Variants in DENND1B observed in about 807,000 individuals in gnomAD.
The protein encoded by DENND1B is DENN domain-containing protein 1B.
In DENND1B, 59 loss-of-function variants were observed where a neutral mutation model predicts 90.1. The ratio of observed to expected loss-of-function variants is 0.65; its 90% CI spans 0.53 to 0.81. The LOEUF is 0.81. DENND1B is among the 40% of genes least tolerant of loss of function. DENND1B has a pLI of 0.00. For synonymous variants in DENND1B, 337 were observed against 324.6 expected, an observed-to-expected ratio of 1.04 and a Z score of -0.41; for missense variants, 862 against 912.6, an observed-to-expected ratio of 0.94 and a Z score of 0.71.
chr1:197,672,013 AT>A (rs748101972), intron 5 of DENND1B, 23 bp downstream of exon 5: 36 of 1,598,256 alleles, frequency 2.3e-5, no homozygotes, highest in South Asian at 4.5e-5. Context: ...TTTGCATCTA[AT>A]TTTTTTTACT....
intron 13 of DENND1B, among the ~76,000 whole-genome samples, chr1:197,600,967 A>G (rs551456815): frequency 1.3e-5 from 2 of 151,526 alleles, no homozygotes; most frequent in African/African-American, 4.8e-5. Context: ...GCCTTGCTGC[A>G]CCACAGAGAC....
chr1:197,530,566 C>A (rs1278852644), intron 20 of DENND1B, among the ~76,000 whole-genome samples: 4 of 152,020 alleles, frequency 2.6e-5, no homozygotes, highest in Non-Finnish European at 5.9e-5. Flanking sequence ...TATGATCATC[C>A]CTACTTAGAA....
intron 2 of DENND1B, chr1:197,735,369 TA>T: frequency 7.4e-7 from 1 of 1,358,736 alleles, no homozygotes; most frequent in Admixed American, 3.1e-5. Context: ...TTTTGGCAAT[TA>T]AACTAAATAA....
Position 197,510,244 on chromosome 1 carries a change from T to C in DENND1B, c.*216A>G, listed in dbSNP as rs1667926815. The C allele has an allele frequency of 1.8e-6, 1 of 566,562 alleles. No individual in the cohort carries two copies. Among genetic ancestry groups the C allele is most frequent in the Admixed American group, 3.5e-5 (1 of 28,394 alleles). The allele number at this position is 566,562 out of a possible 1,614,324, so 35.1% of individuals were successfully genotyped here. A position where few individuals can be genotyped will look rare whatever the true frequency, so the allele number is the denominator to read the frequency against. ...GGTCAATACATACTTTAAACATACATACACACTAGTACCTGATTTAAAAGC... is the reference window on the plus strand; with the variant it reads ...GGTCAATACATACTTTAAACATACACACACACTAGTACCTGATTTAAAAGC... On this transcript the variant is annotated 3_prime_UTR_variant, in exon 23 of 23. Coordinates refer to ENST00000620048, the MANE Select transcript of DENND1B (RefSeq NM_001195215.2).
intron 20 of DENND1B, among the ~76,000 whole-genome samples, chr1:197,514,812 A>G (rs898022719): frequency 4.0e-5 from 6 of 151,624 alleles, no homozygotes; most frequent in African/African-American, 1.5e-4. Context: ...GTGTTTAGTA[A>G]GTTTCCTGTT....
intron 3 of DENND1B, among the ~76,000 whole-genome samples, chr1:197,702,576 A>G (rs753526705): frequency 6.6e-6 from 1 of 152,226 alleles, no homozygotes; most frequent in Non-Finnish European, 1.5e-5. Context: ...ATCAATGGAT[A>G]ATTCCTCAGA....
chr1:197,562,009 A>C (rs986147480), intron 15 of DENND1B, among the ~76,000 whole-genome samples: 9 of 151,830 alleles, frequency 5.9e-5, no homozygotes, highest in Non-Finnish European at 4.4e-5. Context: ...GATACCGCTG[A>C]AGTGACACAT....
At chr1:197,607,282 GAAAA>G (rs1344943485) in intron 12 of DENND1B, 108 bp from the exon 13 acceptor site, 1 of 639,144 alleles carries the variant, frequency 1.6e-6, no homozygotes, top group Non-Finnish European at 2.4e-6. Context: ...CTTGGGAAAA[GAAAA>G]AAGGAAAATC....
At position 197,703,752 on chromosome 1, in the gene DENND1B, A is replaced by C. The variant is rs373917487; in HGVS notation, c.126+11279T>G. Among the ~76,000 whole-genome samples, 136 of 152,350 alleles carry C rather than the reference A, an allele frequency of 8.9e-4. 1 individual carries two copies. Among genetic ancestry groups the C allele is most frequent in the African/African-American group, 3.0e-3 (124 of 41,592 alleles). On this transcript the variant is annotated intron_variant, in intron 3 of 22. Coordinates refer to ENST00000620048, the MANE Select transcript of DENND1B (RefSeq NM_001195215.2). ...TTAATTTTTTTGCCTACAATAACAA[A>C]GTTATTCCTACCTCTGGCAATTCTC...
chr1:197,730,875 T>C (rs1205099637), intron 2 of DENND1B, among the ~76,000 whole-genome samples: 1 of 152,100 alleles, frequency 6.6e-6, no homozygotes, highest in Non-Finnish European at 1.5e-5. Flanking sequence ...ATATAAATTA[T>C]ATATGTATAT....
intron 5 of DENND1B, among the ~76,000 whole-genome samples, chr1:197,664,103 T>A (rs1654700689): frequency 6.6e-6 from 1 of 151,996 alleles, no homozygotes. Flanking sequence ...TTTCAAGTCT[T>A]TATTTTGTGG....
Position 197,545,957 on chromosome 1 carries a change from T to A in DENND1B, c.1315A>T (p.Lys439Ter). Residue 439 changes from lysine to a stop codon, truncating the protein, a stop_gained, in exon 18 of 23, where the codon AAA (lysine) becomes TAA (stop). Transcript: ENST00000620048. LOFTEE classifies it high-confidence loss of function. ...GCTGTCCGTACAGCAGGGGTTGCTT[T>A]GGTCATTGCTGTGTTGAACAGTGCA... The part of the protein sequence containing the change: ...GGALFNTAMT[K>*]ATPAVRTAYK... 6.2e-7 allele frequency: 1 copy of A among 1,607,728 alleles called. No homozygotes were observed. The highest frequency in any genetic ancestry group is 1.1e-5 in the South Asian group (1 of 88,920).
intron 10 of DENND1B, among the ~76,000 whole-genome samples, chr1:197,623,575 A>T (rs777742352): frequency 1.4e-4 from 21 of 151,544 alleles, no homozygotes; most frequent in Non-Finnish European, 2.7e-4. Context: ...TACATTTTTT[A>T]AAAATAGAAT....
intron 10 of DENND1B, among the ~76,000 whole-genome samples, chr1:197,626,820 G>A (rs1284167069): frequency 6.6e-6 from 1 of 151,792 alleles, no homozygotes; most frequent in East Asian, 1.9e-4. Flanking sequence ...GAATCAAATA[G>A]ATGGAAAAAA....
chr1:197,756,965 T>A (rs185946049), intron 2 of DENND1B, among the ~76,000 whole-genome samples: 1 of 150,632 alleles, frequency 6.6e-6, no homozygotes, highest in East Asian at 1.9e-4. Context: ...TGTGACACTA[T>A]GCCATTATAT....
At chr1:197,634,732 G>T (rs1572141940) in intron 10 of DENND1B, among the ~76,000 whole-genome samples, 1 of 152,160 alleles carries the variant, frequency 6.6e-6, no homozygotes, top group Admixed American at 6.6e-5. Flanking sequence ...TCACGCCTGT[G>T]ATCCCAGCAA....
intron 3 of DENND1B, among the ~76,000 whole-genome samples, chr1:197,676,005 A>C (rs527698925): frequency 1.4e-5 from 2 of 141,852 alleles, no homozygotes; most frequent in Non-Finnish European, 3.0e-5. Context: ...CCCTCAGGGG[A>C]CAAGTCTTTA....
At chr1:197,674,429 G>A (rs1159961255) in intron 3 of DENND1B, among the ~76,000 whole-genome samples, 1 of 152,138 alleles carries the variant, frequency 6.6e-6, no homozygotes, top group African/African-American at 2.4e-5. Flanking sequence ...TCACATCCCC[G>A]CTGGGATTCC....
At chr1:197,737,103 T>A (rs781406176) in intron 2 of DENND1B, among the ~76,000 whole-genome samples, 21 of 152,170 alleles carry the variant, frequency 1.4e-4, no homozygotes, top group Non-Finnish European at 2.6e-4. Flanking sequence ...TCTATCCCAG[T>A]TCTTCCAATT....
Sources: allele counts gnomAD v4.1 joint callset (sites outside exome capture counted in the v4.1 genomes callset), GRCh38; gene constraint gnomAD v4.1.1; transcripts MANE v1.5; gene names NCBI Gene and HGNC (gene_info 2026-07-23, HGNC 2026-07-21).